Variants in BTRC observed in about 807,000 individuals in gnomAD.
BTRC encodes the protein F-box/WD repeat-containing protein 1A.
In BTRC, 42 loss-of-function variants were observed where a neutral mutation model predicts 85.5. The ratio of observed to expected loss-of-function variants is 0.49; its 90% CI spans 0.38 to 0.64. BTRC has a LOEUF of 0.64. BTRC is among the 30% of genes least tolerant of loss of function. The pLI is 0.00. For missense variants in BTRC, 594 were observed against 743.5 expected, an observed-to-expected ratio of 0.80 and a Z score of 2.34; for synonymous variants, 255 against 263.3, an observed-to-expected ratio of 0.97 and a Z score of 0.30.
At chr10:101,467,334 T>G (rs1425356381) in intron 3 of BTRC, among the ~76,000 whole-genome samples, 1 of 128,970 alleles carries the variant, frequency 7.8e-6, no homozygotes, top group African/African-American at 2.6e-5. Context: ...GCAGGGTTTT[T>G]TTTTTTTTTT....
At chr10:101,394,204 G>A (rs562504810) in intron 1 of BTRC, among the ~76,000 whole-genome samples, 45 of 152,242 alleles carry the variant, frequency 3.0e-4, no homozygotes, top group African/African-American at 1.1e-3. Flanking sequence ...AATTTTTTAT[G>A]ATAATGTATT....
intron 1 of BTRC, among the ~76,000 whole-genome samples, chr10:101,381,768 A>G (rs1942934693): frequency 6.6e-6 from 1 of 151,928 alleles, no homozygotes; most frequent in South Asian, 2.1e-4. Context: ...CCTAGTATAT[A>G]CTTTCTTTCT....
intron 13 of BTRC, among the ~76,000 whole-genome samples, chr10:101,543,010 G>A (rs1431676460): frequency 6.6e-6 from 1 of 152,160 alleles, no homozygotes; most frequent in Non-Finnish European, 1.5e-5. Flanking sequence ...CCAAGTAGCT[G>A]GCATTACAGG....
At chr10:101,411,741 C>A (rs1303647637) in intron 1 of BTRC, among the ~76,000 whole-genome samples, 1 of 150,942 alleles carries the variant, frequency 6.6e-6, no homozygotes, top group Non-Finnish European at 1.5e-5. Context: ...CTTCCATTGA[C>A]TGATAGTCCT....
chr10:101,551,053 G>A, intron 14 of BTRC, 162 bp downstream of exon 14: 1 of 574,030 alleles, frequency 1.7e-6, no homozygotes, highest in African/African-American at 1.9e-5. Context: ...GCCACAGTGT[G>A]GACAGTGCCT....
intron 4 of BTRC, among the ~76,000 whole-genome samples, chr10:101,500,212 C>T (rs1229203608): frequency 6.6e-6 from 1 of 151,972 alleles, no homozygotes; most frequent in Admixed American, 6.6e-5. Flanking sequence ...CTCCTATACA[C>T]CTAGGCTATA....
chr10:101,487,781 G>A (rs1002426532), intron 4 of BTRC, among the ~76,000 whole-genome samples: 2 of 152,084 alleles, frequency 1.3e-5, no homozygotes, highest in Non-Finnish European at 2.9e-5. Flanking sequence ...TAGCAAGAGT[G>A]GAAACAGAGG....
At chr10:101,507,355 C>T (rs1304316888) in intron 4 of BTRC, among the ~76,000 whole-genome samples, 1 of 152,200 alleles carries the variant, frequency 6.6e-6, no homozygotes, top group Admixed American at 6.5e-5. Flanking sequence ...ATTTATCTTA[C>T]AATTTGCCAG....
At chr10:101,356,301 G>A (rs1197705243) in intron 1 of BTRC, among the ~76,000 whole-genome samples, 1 of 152,162 alleles carries the variant, frequency 6.6e-6, no homozygotes, top group Non-Finnish European at 1.5e-5. Flanking sequence ...GCCCAGCAGA[G>A]GGTTGACTCT....
chr10:101,475,944 TA>T (rs1564795644), intron 3 of BTRC, among the ~76,000 whole-genome samples: 4 of 131,670 alleles, frequency 3.0e-5, no homozygotes, highest in African/African-American at 1.1e-4. Flanking sequence ...TATATATATA[TA>T]TATATATATT....
At chr10:101,354,125 G>C (rs1212120895), upstream of BTRC, 11 of 1,543,558 alleles carry the variant, frequency 7.1e-6, no homozygotes, top group Non-Finnish European at 9.6e-6. Context: ...GTTGGCTGCG[G>C]CCTGGCACCA....
At chr10:101,429,574 TTCTC>T (rs936525292) in intron 1 of BTRC, among the ~76,000 whole-genome samples, 2 of 135,492 alleles carry the variant, frequency 1.5e-5, no homozygotes, top group African/African-American at 5.5e-5. Flanking sequence ...TCTCTCTCCT[TTCTC>T]TCTCTTTTCT....
At chr10:101,453,509 T>C (rs147117161) in intron 2 of BTRC, 1 of 152,356 alleles carries the variant, frequency 6.6e-6, no homozygotes, top group African/African-American at 2.4e-5. Context: ...AGGTTCAGGC[T>C]CTGTTGCACC....
rs34631596 is a variant in BTRC, at chr10:101,514,463, A to AT, written c.325-7162dup. ...TGAAAGACAATCCTTTCCCTATTTA[A>AT]TTTTTTTTTTTTTTGAGAAAGCTCT... On this transcript the variant is annotated intron_variant, in intron 4 of 14. Coordinates refer to ENST00000370187, the MANE Select transcript of BTRC (RefSeq NM_033637.4). 7.6e-3 allele frequency among the ~76,000 whole-genome samples: 1,124 copies of AT among 147,048 alleles called. 12 individuals carry two copies. The highest frequency in any genetic ancestry group is 0.039 in the East Asian group (197 of 4,994).
At chr10:101,367,176 T>C (rs1262712214) in intron 1 of BTRC, among the ~76,000 whole-genome samples, 1 of 146,100 alleles carries the variant, frequency 6.8e-6, no homozygotes, top group Non-Finnish European at 1.5e-5. Context: ...GTTCAAGCCA[T>C]TCTCCTACCT....
intron 1 of BTRC, among the ~76,000 whole-genome samples, chr10:101,383,007 CAA>C (rs1942974714): frequency 6.8e-6 from 1 of 147,430 alleles, no homozygotes; most frequent in Non-Finnish European, 1.5e-5. Context: ...CTTTTTGTAA[CAA>C]AAAGTATGTC....
intron 1 of BTRC, among the ~76,000 whole-genome samples, chr10:101,387,266 T>G (rs1443885776): frequency 6.6e-6 from 1 of 151,724 alleles, no homozygotes; most frequent in African/African-American, 2.4e-5. Context: ...TTGTGATACA[T>G]ATAGTGATCA....
chr10:101,403,842 G>A (rs1399986810), intron 1 of BTRC, among the ~76,000 whole-genome samples: 7 of 151,518 alleles, frequency 4.6e-5, no homozygotes, highest in Admixed American at 4.0e-4. Flanking sequence ...CAATCCTCCT[G>A]CCTTGGCTTC....
In BTRC at chr10:101,532,785, T is replaced by TGCGC. The variant is rs1554895658; in HGVS notation, c.979-166_979-165insCGCG. Among the ~76,000 whole-genome samples the TGCGC allele has an allele frequency of 5.0e-4, 17 of 34,296 alleles. No homozygotes were observed. The South Asian group carries it at 0.024, about 48-fold the overall frequency. The allele number at this position is 34,296 out of a possible 152,430, so 22.5% of individuals were successfully genotyped here. A position where few individuals can be genotyped will look rare whatever the true frequency, so the allele number is the denominator to read the frequency against. On this transcript the variant is annotated intron_variant, in intron 8 of 14. Coordinates refer to ENST00000370187, the MANE Select transcript of BTRC (RefSeq NM_033637.4). ...GTGTGTGTGTGTGTGTGTGTGTGTG[T>TGCGC]GTGTGCGCGTGTGCGCGCGCGCGCG...
Sources: allele counts gnomAD v4.1 joint callset (sites outside exome capture counted in the v4.1 genomes callset), GRCh38; gene constraint gnomAD v4.1.1; transcripts MANE v1.5; gene names NCBI Gene and HGNC (gene_info 2026-07-23, HGNC 2026-07-21).